The following RASL10A variants were observed in gnomAD, a reference collection of about 807,000 sequenced individuals.
RASL10A encodes ras-like protein family member 10A.
Under a neutral mutation model 17.3 loss-of-function variants are expected in RASL10A, and 13 were observed. That is an observed-to-expected ratio of 0.75 (90% CI 0.49 to 1.20). RASL10A has a LOEUF of 1.20. RASL10A is among the 50% of genes most tolerant of loss of function. The pLI, the probability that RASL10A is intolerant of heterozygous loss-of-function variation, is 0.00. For synonymous variants in RASL10A, 159 were observed against 142.2 expected, an observed-to-expected ratio of 1.12 and a Z score of -0.84; for missense variants, 307 against 310.3, an observed-to-expected ratio of 0.99 and a Z score of 0.08.
At position 29,313,681 on chromosome 22, in the gene RASL10A, C is replaced by T. The variant is rs117024429; in HGVS notation, c.345-113G>A. The T allele has an allele frequency of 6.3e-6, 9 of 1,418,348 alleles. No homozygotes were observed. The South Asian group carries it at 8.7e-5, about 14-fold the overall frequency. The allele number at this position is 1,418,348 out of a possible 1,614,324, so 87.9% of individuals were successfully genotyped here. A position where few individuals can be genotyped will look rare whatever the true frequency, so the allele number is the denominator to read the frequency against. On this transcript the variant is annotated intron_variant, in intron 2 of 2. Transcript: ENST00000216101. ...CCTACGGCCAGAGACACCGCCCCCC[C>T]CGCCGCCCCAACGAAACCCCAGGCC... is the stretch of plus-strand genomic sequence containing the variant.
chr22:29,315,736 G>C (rs925800159), upstream of RASL10A: 3 of 152,174 alleles, frequency 2.0e-5, no homozygotes, highest in Non-Finnish European at 2.9e-5. The surrounding 1 kb of genome is among the most constrained non-coding windows in gnomAD (Gnocchi z 5.5). Context: ...GGGGCCTCCC[G>C]GAGGCGGCGA....
chr22:29,319,745 G>A (rs919802416), upstream of RASL10A: 1 of 152,288 alleles, frequency 6.6e-6, no homozygotes, highest in Admixed American at 6.5e-5. Context: ...CCAGCATTTT[G>A]GGAGGCCGAG....
Position 29,313,944 on chromosome 22 carries a change from G to T in RASL10A, c.263C>A (p.Ala88Asp). The change falls in exon 2 of 3, where the codon GCC becomes GAC. Residue 88 changes from alanine (A) to aspartate (D), a missense_variant. Physicochemically the swap from Ala to Asp is moderately radical, Grantham distance 126 (BLOSUM62 -2). Coordinates refer to ENST00000216101, the MANE Select transcript of RASL10A (RefSeq NM_006477.5). ...AKDWSLQDTDAFVLVYDICSP... is the reference protein window; with the variant it reads ...AKDWSLQDTDDFVLVYDICSP... ...GCAGATGTCGTAGACGAGCACGAAG[G>T]CGTCCGTGTCCTGCAAGCTCCAGTC... is the stretch of plus-strand genomic sequence containing the variant. 1.2e-6 allele frequency: 2 copies of T among 1,613,902 alleles called. No individual in the cohort carries two copies. The highest frequency in any genetic ancestry group is 1.7e-6 in the Non-Finnish European group (2 of 1,180,042).
At chr22:29,317,022 C>T (rs1237463580), upstream of RASL10A, 1 of 152,186 alleles carries the variant, frequency 6.6e-6, no homozygotes, top group Non-Finnish European at 1.5e-5. Context: ...AAAGTGTCTC[C>T]AGAACAATGG....
chr22:29,313,342 G>A lies in RASL10A; in HGVS notation c.571C>T (p.Leu191=). Residue 191 remains leucine, a synonymous_variant, in exon 3 of 3, where the codon CTG becomes TTG. Coordinates refer to ENST00000216101, the MANE Select transcript of RASL10A (RefSeq NM_006477.5). The part of the protein sequence containing the change: ...RARPAHPALR[L]QGALHPARCS... ...CGCGCGGGATGCAGCGCCCCCTGCA[G>A]GCGCAGGGCCGGGTGTGCAGGGCGC... The A allele has an allele frequency of 6.5e-7, 1 of 1,536,706 alleles. No individual in the cohort carries two copies. The highest frequency in any genetic ancestry group is 8.8e-7 in the Non-Finnish European group (1 of 1,141,122).
chr22:29,313,661 G>A (rs919785649), intron 2 of RASL10A, 93 bp from the exon 3 acceptor site: 1 of 1,427,674 alleles, frequency 7.0e-7, no homozygotes, highest in Non-Finnish European at 9.2e-7. Flanking sequence ...CCCTTCCTAC[G>A]GCCAGAGACA....
In RASL10A at chr22:29,313,323, G is replaced by T. The variant is rs975305450; in HGVS notation, c.590C>A (p.Pro197His). 2.0e-6 allele frequency: 3 copies of T among 1,527,868 alleles called. No individual in the cohort carries two copies. The highest frequency in any genetic ancestry group is 2.6e-6 in the Non-Finnish European group (3 of 1,136,502). 94.6% of individuals were successfully genotyped at this position (1,527,868 alleles called of 1,614,324 possible). Residue 197 changes from proline (P) to histidine (H), a missense_variant, in exon 3 of 3, where the codon CCC (proline) becomes CAC (histidine). By Grantham distance (77) the Pro-to-His change is moderately conservative (BLOSUM62 -2). Coordinates refer to ENST00000216101, the MANE Select transcript of RASL10A (RefSeq NM_006477.5). ...PALRLQGALHPARCSLM is the reference protein window; with the variant it reads ...PALRLQGALHHARCSLM ...GGGTCACATGAGGCTGCAGCGCGCG[G>T]GATGCAGCGCCCCCTGCAGGCGCAG...
chr22:29,318,372 GGAACCCAGGCCCT>G (rs148914279), upstream of RASL10A, among the ~76,000 whole-genome samples: 2,662 of 152,272 alleles, frequency 0.017, 63 homozygotes, highest in African/African-American at 0.06. Context: ...CACAGGGGCC[GGAACCCAGGCCCT>G]TGGGCTCCAG....
Position 29,315,344 on chromosome 22 carries a change from G to T in RASL10A, c.-98C>A. ...GTGCGCCCCGCGCGCCCTGCCCGGT[G>T]CGCCACGGCCCCGTCGCGCTTCTCG... is the stretch of plus-strand genomic sequence containing the variant. On this transcript the variant is annotated 5_prime_UTR_variant, in exon 1 of 3. Coordinates refer to ENST00000216101, the MANE Select transcript of RASL10A (RefSeq NM_006477.5). This position sits in a 1 kb window ranked among gnomAD's most constrained non-coding sequence, Gnocchi z 5.5. The T allele has an allele frequency of 1.3e-6, 1 of 785,574 alleles. No homozygotes were observed. Among genetic ancestry groups the T allele is most frequent in the Non-Finnish European group, 1.7e-6 (1 of 593,650 alleles). The allele number at this position is 785,574 out of a possible 1,614,324, so 48.7% of individuals were successfully genotyped here.
chr22:29,316,958 A>G (rs2061457240), upstream of RASL10A: 1 of 152,272 alleles, frequency 6.6e-6, no homozygotes, highest in Non-Finnish European at 1.5e-5. Flanking sequence ...GAGGAGCTAA[A>G]TCCTGAAGGG....
intron 1 of RASL10A, 139 bp downstream of exon 1, chr22:29,314,889 T>TATCCCAGGACGCACACACATCCCTC (rs2061443612): frequency 1.4e-6 from 1 of 710,592 alleles, no homozygotes; most frequent in African/African-American, 1.9e-5. Context: ...GAAACGCAAG[T>TATCCCAGGACGCACACACATCCCTC]ATCCCAGGAC....
upstream of RASL10A, chr22:29,317,240 T>C: frequency 6.6e-6 from 1 of 152,288 alleles, no homozygotes; most frequent in South Asian, 2.1e-4. Context: ...TTCAGACTTC[T>C]GGGTTTTGTT....
At chr22:29,318,071 T>G (rs1009545443), upstream of RASL10A, among the ~76,000 whole-genome samples, 1 of 152,208 alleles carries the variant, frequency 6.6e-6, no homozygotes, top group Non-Finnish European at 1.5e-5. Context: ...CTTTCCTTGC[T>G]TCTCCTTCCG....
chr22:29,316,090 ACTC>A (rs1156557057), upstream of RASL10A, among the ~76,000 whole-genome samples: 11 of 151,802 alleles, frequency 7.2e-5, no homozygotes, highest in Non-Finnish European at 1.3e-4. Flanking sequence ...TCACAGGCAG[ACTC>A]CTCAAGAGGC....
chr22:29,313,893 T>C lies in RASL10A; in HGVS notation c.314A>G (p.Lys105Arg), dbSNP rs774623247. Reference protein sequence around the residue: ...ICSPDSFDYVKALRQRIAETR... With the variant: ...ICSPDSFDYVRALRQRIAETR... The stretch of plus-strand genomic sequence containing the variant: ...CTCCGCGATGCGCTGCCGCAGGGCC[T>C]TCACGTAGTCGAAACTGTCCGGGCT... Residue 105 changes from lysine (K) to arginine (R), a missense_variant, in exon 2 of 3, where the codon AAG (lysine) becomes AGG (arginine). By Grantham distance (26) the Lys-to-Arg change is conservative (BLOSUM62 2). Coordinates refer to ENST00000216101, the MANE Select transcript of RASL10A (RefSeq NM_006477.5). 1.5e-5 allele frequency: 25 copies of C among 1,613,804 alleles called. No homozygotes were observed. Among genetic ancestry groups the C allele is most frequent in the Non-Finnish European group, 2.0e-5 (24 of 1,180,034 alleles).
At chr22:29,319,363 T>C (rs1465206015), upstream of RASL10A, 1 of 152,204 alleles carries the variant, frequency 6.6e-6, no homozygotes, top group Admixed American at 6.5e-5. Flanking sequence ...TGGGGTGTAG[T>C]GGGTCCTTGG....
chr22:29,318,527 G>GC (rs1045810522), upstream of RASL10A, among the ~76,000 whole-genome samples: 1 of 152,194 alleles, frequency 6.6e-6, no homozygotes, highest in African/African-American at 2.4e-5. Flanking sequence ...GTCCCGTGGA[G>GC]CCCCCCATCC....
At chr22:29,314,015 A>T (rs2061438029) in intron 1 of RASL10A, 28 bp from the exon 2 acceptor site, 2 of 1,609,698 alleles carry the variant, frequency 1.2e-6, no homozygotes, top group South Asian at 2.2e-5. Context: ...GGGTTTGCGG[A>T]AGCCTCCTTT....
rs2147912631 is a variant in RASL10A at position 29,315,470 on chromosome 22, C to T, written c.-224G>A. 1.1e-5 allele frequency: 3 copies of T among 272,104 alleles called. No homozygotes were observed. The East Asian group carries it at 2.1e-4, about 19-fold the overall frequency. The allele number at this position is 272,104 out of a possible 1,614,324, so 16.9% of individuals were successfully genotyped here. On this transcript the variant is annotated 5_prime_UTR_variant, in exon 1 of 3. Transcript: ENST00000216101. The surrounding 1 kb of genome is among the most constrained non-coding windows in gnomAD (Gnocchi z 5.5). ...CGAGTGGGCAGACAGGTGGCGGGCG[C>T]GCGAGCGGCTCGGGCGGGTGCCGAA... is the stretch of plus-strand genomic sequence containing the variant.
Sources: gnomAD v4.1 joint callset for allele counts (sites outside exome capture counted in the v4.1 genomes callset) on GRCh38, gnomAD v4.1.1 for gene constraint, Gnocchi (gnomAD v3.1) non-coding constraint, MANE v1.5 for transcripts, NCBI Gene and HGNC (gene_info 2026-07-23, HGNC 2026-07-21) for gene names.